The following CSAD variants were observed in gnomAD, a reference collection of about 807,000 sequenced individuals.
The protein encoded by CSAD is P-selectin cytoplasmic tail-associated protein.
CSAD carries 47 observed loss-of-function variants against 61.5 expected under a neutral mutation model. The ratio of observed to expected loss-of-function variants is 0.76; its 90% CI spans 0.60 to 0.97. CSAD has a LOEUF of 0.97. Among genes scored for constraint, CSAD ranks in the 50% least tolerant of loss-of-function variants. CSAD has a pLI of 0.00. For synonymous variants in CSAD, 245 were observed against 252.7 expected, an observed-to-expected ratio of 0.97 and a Z score of 0.29; for missense variants, 611 against 643.6, an observed-to-expected ratio of 0.95 and a Z score of 0.55.
chr12:53,161,071 T>G (rs1331817719), intron 12 of CSAD, 56 bp downstream of exon 12: 4 of 1,547,156 alleles, frequency 2.6e-6, no homozygotes, highest in Non-Finnish European at 3.6e-6. Context: ...TCCATGATGA[T>G]TCTCTGGACC....
chr12:53,164,926 C>T (rs1401273702), intron 10 of CSAD, among the ~76,000 whole-genome samples: 2 of 152,104 alleles, frequency 1.3e-5, no homozygotes, highest in African/African-American at 4.8e-5. Flanking sequence ...TGCTAATAAG[C>T]ACATGAAAAG....
At position 53,171,977 on chromosome 12, in the gene CSAD, T is replaced by C; in HGVS notation, c.356A>G (p.Glu119Gly). 6.2e-7 allele frequency: 1 copy of C among 1,613,220 alleles called. No individual in the cohort carries two copies. Among genetic ancestry groups the C allele is most frequent in the Admixed American group, 1.7e-5 (1 of 59,988 alleles). ...ESLNTSQYTY[E>G]IAPVFVLMEE... ...CATGAGCACAAACACGGGGGCGATT[T>C]CATATGTGTACCTGCCAGGAGAGAG... The change falls in exon 7 of 17, where the codon GAA becomes GGA. Residue 119 changes from glutamate to glycine, a missense_variant. Physicochemically the swap from Glu to Gly is moderately conservative, Grantham distance 98. Transcript: ENST00000444623.
At chr12:53,180,683 G>C in intron 1 of CSAD, 49 bp downstream of exon 1, 1 of 1,275,506 alleles carries the variant, frequency 7.8e-7, no homozygotes, top group South Asian at 1.3e-5. Context: ...GAGGGGGAGG[G>C]GGAAGTGCTT....
intron 12 of CSAD, 110 bp downstream of exon 12, chr12:53,161,017 C>G: frequency 8.3e-7 from 1 of 1,209,942 alleles, no homozygotes; most frequent in Non-Finnish European, 1.2e-6. Context: ...CTCTCCAGTC[C>G]CCCTCCCCTC....
At chr12:53,177,361 A>G (rs1941188049) in intron 2 of CSAD, among the ~76,000 whole-genome samples, 2 of 152,232 alleles carry the variant, frequency 1.3e-5, no homozygotes, top group Admixed American at 1.3e-4. Flanking sequence ...AGATAAGTGA[A>G]AAAGAGAAAA....
intron 10 of CSAD, chr12:53,164,741 A>C (rs989951817): frequency 1.3e-5 from 2 of 152,224 alleles, no homozygotes; most frequent in African/African-American, 4.8e-5. Flanking sequence ...AGTTTCAAAA[A>C]AGTGAAAAGT....
chr12:53,179,762 CATA>C, intron 1 of CSAD: 1 of 1,602,862 alleles, frequency 6.2e-7, no homozygotes, highest in South Asian at 1.1e-5. Flanking sequence ...AAAGTCACGA[CATA>C]ATATCACCTA....
chr12:53,161,085 G>A (rs748438733), intron 12 of CSAD, 42 bp downstream of exon 12: 1 of 1,589,744 alleles, frequency 6.3e-7, no homozygotes, highest in East Asian at 2.2e-5. Flanking sequence ...CTGGACCAAT[G>A]GTTTGAAGGG....
intron 10 of CSAD, chr12:53,164,288 CA>C: frequency 1.2e-5 from 2 of 160,878 alleles, no homozygotes; most frequent in East Asian, 1.7e-4. Context: ...AGGACACTAT[CA>C]AAAAAGTGAA....
chr12:53,171,784 G>T, intron 7 of CSAD, 98 bp downstream of exon 7: 1 of 838,048 alleles, frequency 1.2e-6, no homozygotes, highest in Non-Finnish European at 1.9e-6. Flanking sequence ...GAATCAAAGA[G>T]GAATCATCCC....
At position 53,180,731 on chromosome 12, in the gene CSAD, C is replaced by T. The variant is rs914098768; in HGVS notation, c.-91+1G>A. On this transcript the variant is annotated splice_donor_variant, in intron 1 of 16. Transcript: ENST00000444623. LOFTEE classifies it low-confidence loss of function (5UTR_SPLICE). ...GCCGGGGTTGGTGTTTGTAAACTTG[C>T]CTCGGTCCCGGTGGGGGCAGCCGCG... The T allele has an allele frequency of 1.6e-6, 2 of 1,264,234 alleles. No homozygotes were observed. The highest frequency in any genetic ancestry group is 2.0e-6 in the Non-Finnish European group (2 of 976,402). 78.3% of individuals were successfully genotyped at this position (1,264,234 alleles called of 1,614,324 possible).
chr12:53,180,345 G>A (rs919173075), intron 1 of CSAD: 80 of 985,304 alleles, frequency 8.1e-5, no homozygotes, highest in Non-Finnish European at 9.0e-5. Flanking sequence ...CGATGGGCAG[G>A]ACGTCCGCGA....
intron 1 of CSAD, chr12:53,180,439 A>C: frequency 8.5e-7 from 1 of 1,176,468 alleles, no homozygotes; most frequent in Non-Finnish European, 1.1e-6. Context: ...CCCAGCGTAC[A>C]ATCATCGAAG....
chr12:53,176,751 G>C (rs1410335404), intron 2 of CSAD, among the ~76,000 whole-genome samples: 1 of 152,018 alleles, frequency 6.6e-6, no homozygotes, highest in Non-Finnish European at 1.5e-5. Flanking sequence ...TATTATTTTA[G>C]AGAATAAGTT....
At chr12:53,169,854 G>C (rs1940347950) in intron 10 of CSAD, among the ~76,000 whole-genome samples, 1 of 152,106 alleles carries the variant, frequency 6.6e-6, no homozygotes, top group Non-Finnish European at 1.5e-5. Flanking sequence ...CCCTCACTCA[G>C]CCCTGCCTCT....
At chr12:53,163,905 G>T (rs1939591155) in intron 10 of CSAD, among the ~76,000 whole-genome samples, 1 of 152,342 alleles carries the variant, frequency 6.6e-6, no homozygotes, top group South Asian at 2.1e-4. Flanking sequence ...CTACAGGATA[G>T]ACATGTAGAT....
upstream of CSAD, chr12:53,180,945 G>T: frequency 1.0e-6 from 1 of 952,630 alleles, no homozygotes; most frequent in South Asian, 2.7e-5. Context: ...AGGGGAGGAG[G>T]GGCGCGTGGC....
At chr12:53,174,031 G>T (rs565156375) in intron 2 of CSAD, 5 of 456,614 alleles carry the variant, frequency 1.1e-5, no homozygotes, top group South Asian at 1.1e-4. Context: ...CAGGCCAGGC[G>T]CAGTGGGTCA....
chr12:53,170,806 C>T (rs1940482390), intron 8 of CSAD: 2 of 407,320 alleles, frequency 4.9e-6, no homozygotes, highest in Non-Finnish European at 9.2e-6. Flanking sequence ...CTGCAACTTC[C>T]GCCTCCCAGG....
Sources: gnomAD v4.1 joint callset for allele counts (sites outside exome capture counted in the v4.1 genomes callset) on GRCh38, gnomAD v4.1.1 for gene constraint, MANE v1.5 for transcripts, NCBI Gene and HGNC (gene_info 2026-07-23, HGNC 2026-07-21) for gene names.